GPC5: variants seen among roughly 807,000 people sequenced by gnomAD.
GPC5 encodes glypican-5.
GPC5 carries 47 observed loss-of-function variants against 53.9 expected under a neutral mutation model. The observed-to-expected ratio is 0.87, with a 90% CI of 0.69 to 1.11. The LOEUF (loss-of-function observed/expected upper bound fraction) is 1.11. Ranked by LOEUF, GPC5 falls within the 50% of genes most tolerant of loss-of-function variation. GPC5 has a pLI of 0.00. For missense variants in GPC5, 748 were observed against 713.1 expected, an observed-to-expected ratio of 1.05 and a Z score of -0.56; for synonymous variants, 286 against 263.3, an observed-to-expected ratio of 1.09 and a Z score of -0.84.
chr13:92,302,730 G>T (rs866334167), intron 7 of GPC5, among the ~76,000 whole-genome samples: 1 of 152,122 alleles, frequency 6.6e-6, no homozygotes, highest in East Asian at 1.9e-4. Context: ...AACATCACCT[G>T]GACTAAACCC....
chr13:92,200,131 T>A (rs1337856856), intron 7 of GPC5, among the ~76,000 whole-genome samples: 1 of 152,150 alleles, frequency 6.6e-6, no homozygotes, highest in Non-Finnish European at 1.5e-5. Context: ...CTGTGTACTT[T>A]GAATTCATCT....
chr13:92,388,911 G>A (rs1289640159), intron 7 of GPC5, among the ~76,000 whole-genome samples: 2 of 152,060 alleles, frequency 1.3e-5, no homozygotes. Flanking sequence ...TTCAAAAATG[G>A]TTATGGGATA....
At chr13:92,234,358 G>C (rs1041443822) in intron 7 of GPC5, among the ~76,000 whole-genome samples, 2 of 152,134 alleles carry the variant, frequency 1.3e-5, no homozygotes, top group African/African-American at 2.4e-5. Context: ...ATTCTAACTG[G>C]TGTGAGATGG....
At chr13:92,239,622 A>G (rs192649120) in intron 7 of GPC5, among the ~76,000 whole-genome samples, 2 of 152,034 alleles carry the variant, frequency 1.3e-5, no homozygotes, top group Admixed American at 6.6e-5. Context: ...GTTTAAAAAG[A>G]CGTATCCAAT....
Position 92,744,302 on chromosome 13 carries a change from A to T in GPC5, c.1562-121980A>T, listed in dbSNP as rs1749996979. ...AAGTGAGAGCAGGAGTATATCTGAG[A>T]GAAAAAGTAATGAGATTCCTTTGGA... is the stretch of plus-strand genomic sequence containing the variant. On this transcript the variant is annotated intron_variant, in intron 7 of 7. Transcript: ENST00000377067. Among the ~76,000 whole-genome samples, 3 of 152,122 alleles carry T rather than the reference A, an allele frequency of 2.0e-5. No homozygotes were observed. In the South Asian group the frequency reaches 6.2e-4, roughly 31 times the overall value.
At chr13:92,300,208 A>G (rs1458693533) in intron 7 of GPC5, among the ~76,000 whole-genome samples, 3 of 152,182 alleles carry the variant, frequency 2.0e-5, no homozygotes, top group East Asian at 1.9e-4. Flanking sequence ...ACACATACAC[A>G]GGGAAGCTTG....
intron 7 of GPC5, among the ~76,000 whole-genome samples, chr13:92,313,452 A>G (rs747507256): frequency 4.6e-5 from 7 of 152,208 alleles, no homozygotes; most frequent in Non-Finnish European, 1.0e-4. Flanking sequence ...TTTACAAGTA[A>G]TTTGTGACAA....
intron 4 of GPC5, among the ~76,000 whole-genome samples, chr13:91,749,582 G>A (rs1487531333): frequency 1.3e-5 from 2 of 152,150 alleles, no homozygotes; most frequent in Admixed American, 6.5e-5. Flanking sequence ...CAAATACCAA[G>A]TGGGATTTCC....
intron 7 of GPC5, among the ~76,000 whole-genome samples, chr13:92,820,489 G>C (rs913859918): frequency 2.8e-4 from 42 of 152,188 alleles, no homozygotes; most frequent in African/African-American, 1.0e-3. Flanking sequence ...TCAAAATGCA[G>C]ATCTGATCAT....
intron 7 of GPC5, among the ~76,000 whole-genome samples, chr13:92,265,755 A>T (rs1437582867): frequency 6.6e-6 from 1 of 152,016 alleles, no homozygotes; most frequent in African/African-American, 2.4e-5. Context: ...GCAGCGCCCC[A>T]CTTCTCCAGT....
chr13:91,713,218 TA>T (rs143064081), intron 3 of GPC5, among the ~76,000 whole-genome samples: 9,103 of 152,024 alleles, frequency 0.06, 394 homozygotes, highest in East Asian at 0.24. Flanking sequence ...AATAAATAAA[TA>T]AGTCACAAGC....
intron 7 of GPC5, among the ~76,000 whole-genome samples, chr13:92,556,373 C>T (rs1311899039): frequency 1.3e-5 from 2 of 151,726 alleles, no homozygotes; most frequent in South Asian, 4.1e-4. Context: ...CTTTCAAAAA[C>T]ATTTTTCTAC....
chr13:91,982,219 T>G (rs565337175), intron 6 of GPC5, among the ~76,000 whole-genome samples: 1 of 152,294 alleles, frequency 6.6e-6, no homozygotes, highest in South Asian at 2.1e-4. Flanking sequence ...CTTCATCCCT[T>G]GAAGGACAAT....
At chr13:92,729,630 A>C (rs1888748115) in intron 7 of GPC5, among the ~76,000 whole-genome samples, 1 of 151,430 alleles carries the variant, frequency 6.6e-6, no homozygotes, top group African/African-American at 2.4e-5. Context: ...ACAGTTTTTA[A>C]TTTATATACT....
chr13:91,573,271 G>C (rs1258014423), intron 2 of GPC5, among the ~76,000 whole-genome samples: 1 of 152,190 alleles, frequency 6.6e-6, no homozygotes, highest in Non-Finnish European at 1.5e-5. Flanking sequence ...TTACAAATCA[G>C]TGGTGCAAGC....
intron 7 of GPC5, chr13:92,340,688 CTGT>C (rs969118192): frequency 2.5e-4 from 38 of 152,120 alleles, no homozygotes; most frequent in African/African-American, 9.2e-4. Context: ...GAACTTGAAA[CTGT>C]TAAGATATAA....
chr13:91,892,353 T>G (rs1460265657), intron 5 of GPC5, among the ~76,000 whole-genome samples: 2 of 151,768 alleles, frequency 1.3e-5, no homozygotes, highest in Non-Finnish European at 3.0e-5. Context: ...TACTTGTTCC[T>G]TTTTACCATG....
At chr13:91,429,656 C>G (rs1400104468) in intron 1 of GPC5, among the ~76,000 whole-genome samples, 1 of 152,084 alleles carries the variant, frequency 6.6e-6, no homozygotes, top group African/African-American at 2.4e-5. Flanking sequence ...TCAGAGGATT[C>G]CAGGTGAGTT....
intron 7 of GPC5, among the ~76,000 whole-genome samples, chr13:92,801,376 A>G (rs1401323532): frequency 6.6e-6 from 1 of 151,834 alleles, no homozygotes; most frequent in African/African-American, 2.4e-5. Flanking sequence ...CACATTACCC[A>G]TGTGTTTGTG....
Sources: gnomAD v4.1 joint callset for allele counts (sites outside exome capture counted in the v4.1 genomes callset) on GRCh38, gnomAD v4.1.1 for gene constraint, MANE v1.5 for transcripts, NCBI Gene and HGNC (gene_info 2026-07-23, HGNC 2026-07-21) for gene names.